The following LOC128092253 variants were observed in gnomAD, a reference collection of about 807,000 sequenced individuals.
chr6:133,958,063 A>G, the LOC128092253 span, among the ~76,000 whole-genome samples: 9 of 152,222 alleles, frequency 5.9e-5, no homozygotes, highest in Non-Finnish European at 1.0e-4. Flanking sequence ...ATTGTCACAC[A>G]GGCATCTGGT....
At chr6:133,969,241 A>G in the LOC128092253 span, among the ~76,000 whole-genome samples, 2 of 149,948 alleles carry the variant, frequency 1.3e-5, no homozygotes, top group African/African-American at 4.9e-5. Flanking sequence ...TGACTGAACC[A>G]TAAAATACAC....
At chr6:133,965,629 C>G in the LOC128092253 span, among the ~76,000 whole-genome samples, 1 of 151,272 alleles carries the variant, frequency 6.6e-6, no homozygotes, top group East Asian at 1.9e-4. Context: ...TTTTAATTCA[C>G]TGTTAAATTT....
At chr6:133,963,326 T>C in the LOC128092253 span, among the ~76,000 whole-genome samples, 1 of 152,296 alleles carries the variant, frequency 6.6e-6, no homozygotes, top group East Asian at 1.9e-4. Context: ...ATCTTGGAAA[T>C]ATTTTCAAAA....
At chr6:133,977,511 G>A in the LOC128092253 span, among the ~76,000 whole-genome samples, 1 of 152,188 alleles carries the variant, frequency 6.6e-6, no homozygotes, top group Admixed American at 6.5e-5. Context: ...GAGTAGAGTA[G>A]AACTCAAAGT....
the LOC128092253 span, among the ~76,000 whole-genome samples, chr6:133,973,141 A>G: frequency 6.6e-6 from 1 of 152,224 alleles, no homozygotes; most frequent in Non-Finnish European, 1.5e-5. Context: ...CAAAATGTCT[A>G]TTTCCTAATC....
chr6:133,967,495 T>G, the LOC128092253 span, among the ~76,000 whole-genome samples: 1 of 152,226 alleles, frequency 6.6e-6, no homozygotes, highest in Non-Finnish European at 1.5e-5. Flanking sequence ...GGATGTGTCC[T>G]GAGAAGTGAG....
At chr6:133,976,977 A>G in the LOC128092253 span, among the ~76,000 whole-genome samples, 1 of 149,436 alleles carries the variant, frequency 6.7e-6, no homozygotes, top group Admixed American at 6.6e-5. Flanking sequence ...CAAAAAAAAA[A>G]AAAAAGAAAA....
chr6:133,975,222 A>G, the LOC128092253 span, among the ~76,000 whole-genome samples: 1 of 152,146 alleles, frequency 6.6e-6, no homozygotes. Context: ...TACTACAGTG[A>G]AAAAAGGGTA....
At chr6:133,979,843 C>T in the LOC128092253 span, among the ~76,000 whole-genome samples, 1 of 152,026 alleles carries the variant, frequency 6.6e-6, no homozygotes, top group African/African-American at 2.4e-5. Context: ...GACCAGGTTT[C>T]ACTATGTTGG....
chr6:133,958,081 G>A, the LOC128092253 span, among the ~76,000 whole-genome samples: 1 of 152,178 alleles, frequency 6.6e-6, no homozygotes, highest in Non-Finnish European at 1.5e-5. Context: ...GGTTATCACT[G>A]ATGGCAGATG....
chr6:133,966,888 C>G, the LOC128092253 span, among the ~76,000 whole-genome samples: 3 of 152,204 alleles, frequency 2.0e-5, no homozygotes, highest in African/African-American at 7.2e-5. Context: ...TCTTCTCTTT[C>G]AGTCCATCCT....
At chr6:133,958,589 T>C in the LOC128092253 span, among the ~76,000 whole-genome samples, 6 of 152,316 alleles carry the variant, frequency 3.9e-5, no homozygotes, top group Non-Finnish European at 7.4e-5. Context: ...AATAGCTAAC[T>C]TTAAAAAGTT....
chr6:133,962,090 A>T, the LOC128092253 span, among the ~76,000 whole-genome samples: 2 of 152,140 alleles, frequency 1.3e-5, no homozygotes, highest in Non-Finnish European at 2.9e-5. Flanking sequence ...TAAAACCGCG[A>T]AACAGTCTGT....
chr6:133,975,060 AAG>A, the LOC128092253 span, among the ~76,000 whole-genome samples: 3 of 152,310 alleles, frequency 2.0e-5, no homozygotes, highest in South Asian at 4.1e-4. Context: ...AAATTAGAAA[AAG>A]AATATATTAA....
At chr6:133,966,857 C>T in the LOC128092253 span, among the ~76,000 whole-genome samples, 2 of 152,182 alleles carry the variant, frequency 1.3e-5, no homozygotes, top group East Asian at 1.9e-4. Context: ...GTCATCTTGC[C>T]TGGACTGCTG....
chr6:133,968,622 G>A, the LOC128092253 span, among the ~76,000 whole-genome samples: 8 of 152,112 alleles, frequency 5.3e-5, no homozygotes, highest in Admixed American at 2.0e-4. Flanking sequence ...GTCCACTGTC[G>A]TGTAGCTTCC....
chr6:133,976,693 A>C, the LOC128092253 span, among the ~76,000 whole-genome samples: 1 of 152,144 alleles, frequency 6.6e-6, no homozygotes, highest in Non-Finnish European at 1.5e-5. Flanking sequence ...CTTTGTAGAA[A>C]CTGAGCTATT....
chr6:133,965,941 T>C, the LOC128092253 span, among the ~76,000 whole-genome samples: 1 of 152,250 alleles, frequency 6.6e-6, no homozygotes, highest in Admixed American at 6.5e-5. Flanking sequence ...GTTCTGTTTA[T>C]CTGCCTTATT....
the LOC128092253 span, among the ~76,000 whole-genome samples, chr6:133,977,022 G>C: frequency 6.6e-6 from 1 of 151,634 alleles, no homozygotes; most frequent in Admixed American, 6.6e-5. Flanking sequence ...TCGTTGGACT[G>C]TCATTCTAAT....
Sources: allele counts gnomAD v4.1 joint callset (sites outside exome capture counted in the v4.1 genomes callset), GRCh38; gene constraint gnomAD v4.1.1; transcripts MANE v1.5.